PCSK5: variants seen among roughly 807,000 people sequenced by gnomAD.
PCSK5 encodes the protein proprotein convertase subtilisin/kexin type 5, also known as prohormone convertase 5.
Under a neutral mutation model 233.2 loss-of-function variants are expected in PCSK5, and 129 were observed. That is an observed-to-expected ratio of 0.55 (90% CI 0.48 to 0.64). The LOEUF (loss-of-function observed/expected upper bound fraction) is 0.64, where lower values mean the gene tolerates loss of function less well. Among genes scored for constraint, PCSK5 ranks in the 30% least tolerant of loss-of-function variants. The pLI, the probability that PCSK5 is intolerant of heterozygous loss-of-function variation, is 0.00. For missense variants in PCSK5, 2,076 were observed against 2,430.1 expected, an observed-to-expected ratio of 0.85 and a Z score of 3.06; for synonymous variants, 825 against 879.2, an observed-to-expected ratio of 0.94 and a Z score of 1.09.
intron 20 of PCSK5, among the ~76,000 whole-genome samples, chr9:76,216,961 C>T (rs1408892079): frequency 6.6e-6 from 1 of 152,202 alleles, no homozygotes; most frequent in Non-Finnish European, 1.5e-5. Context: ...CTGCCTCAGC[C>T]TCCCAAGTAG....
chr9:76,204,813 AT>A (rs1458651082), intron 20 of PCSK5, among the ~76,000 whole-genome samples: 2 of 152,190 alleles, frequency 1.3e-5, no homozygotes, highest in Admixed American at 1.3e-4. Flanking sequence ...GGCAGGACAA[AT>A]AAGATGTTGG....
intron 24 of PCSK5, among the ~76,000 whole-genome samples, chr9:76,265,381 A>C (rs550867379): frequency 1.3e-5 from 2 of 152,164 alleles, no homozygotes; most frequent in South Asian, 4.2e-4. Context: ...CACATATACC[A>C]CCTGAATTGA....
chr9:76,264,380 T>C (rs1243219075), intron 24 of PCSK5, among the ~76,000 whole-genome samples: 1 of 152,162 alleles, frequency 6.6e-6, no homozygotes, highest in African/African-American at 2.4e-5. Flanking sequence ...GGAAGCAACA[T>C]TCTGGATATG....
chr9:76,332,402 G>A, intron 33 of PCSK5, 31 bp from the exon 34 acceptor site: 1 of 1,582,736 alleles, frequency 6.3e-7, no homozygotes. Context: ...CATGCTCGAT[G>A]TCCAAATAGA....
intron 10 of PCSK5, among the ~76,000 whole-genome samples, chr9:76,141,906 C>T (rs1823242288): frequency 6.6e-6 from 1 of 152,010 alleles, no homozygotes. Flanking sequence ...CATGTTCTCA[C>T]TTGTAAGTGG....
chr9:75,898,914 T>C (rs1374232425), intron 1 of PCSK5, among the ~76,000 whole-genome samples: 2 of 152,218 alleles, frequency 1.3e-5, no homozygotes, highest in Admixed American at 6.5e-5. Context: ...AGACAAATAG[T>C]AATGGACTTC....
At chr9:75,922,232 A>G (rs1216027998) in intron 1 of PCSK5, among the ~76,000 whole-genome samples, 1 of 152,222 alleles carries the variant, frequency 6.6e-6, no homozygotes, top group Non-Finnish European at 1.5e-5. Context: ...AAATTAAAGT[A>G]CAGACTGGAG....
At chr9:76,023,952 A>G (rs942845639) in intron 4 of PCSK5, 71 bp downstream of exon 4, 413 of 1,385,902 alleles carry the variant, frequency 3.0e-4, no homozygotes, top group Non-Finnish European at 3.9e-4. Flanking sequence ...GATTATCAAA[A>G]AGGTGGATAG....
rs548444899 is a variant in PCSK5 at position 76,064,412 on chromosome 9, A to ACC, written c.633-3537_633-3536dup. Among the ~76,000 whole-genome samples the ACC allele has an allele frequency of 8.6e-3, 846 of 98,008 alleles. 7 individuals carry two copies. Among genetic ancestry groups the ACC allele is most frequent in the African/African-American group, 0.03 (684 of 22,760 alleles). The allele number at this position is 98,008 out of a possible 152,430, so 64.3% of individuals were successfully genotyped here. On this transcript the variant is annotated intron_variant, in intron 5 of 37. Transcript: ENST00000674117. Reference sequence around the variant, plus strand: ...GCACGGCTGGCCAGGCGGGGGGCTGACCCCCCCACCTCCCTCCCGGATGGC... The same window carrying ACC: ...GCACGGCTGGCCAGGCGGGGGGCTGACCCCCCCCCACCTCCCTCCCGGATGGC...
chr9:76,125,058 A>G (rs1311870895), intron 9 of PCSK5, among the ~76,000 whole-genome samples: 3 of 150,800 alleles, frequency 2.0e-5, no homozygotes, highest in Non-Finnish European at 4.4e-5. Context: ...CTCCTCTTAC[A>G]TTTCTTTTTC....
At chr9:76,220,642 T>A (rs1216748706) in intron 20 of PCSK5, among the ~76,000 whole-genome samples, 1 of 148,382 alleles carries the variant, frequency 6.7e-6, no homozygotes, top group Non-Finnish European at 1.5e-5. Context: ...AAAAAAAAAA[T>A]TGACACATAA....
chr9:76,215,912 C>T (rs1053617023), intron 20 of PCSK5, among the ~76,000 whole-genome samples: 7 of 151,970 alleles, frequency 4.6e-5, no homozygotes, highest in Non-Finnish European at 1.0e-4. Context: ...GCACTCCAGC[C>T]TGGGTGACAA....
At chr9:76,335,604 G>C (rs897379070) in intron 34 of PCSK5, among the ~76,000 whole-genome samples, 1 of 152,046 alleles carries the variant, frequency 6.6e-6, no homozygotes, top group African/African-American at 2.4e-5. Context: ...AGCAAGCAGT[G>C]GTGTTGTACT....
intron 20 of PCSK5, among the ~76,000 whole-genome samples, chr9:76,214,303 C>T (rs1825441943): frequency 6.6e-6 from 1 of 151,292 alleles, no homozygotes; most frequent in African/African-American, 2.4e-5. Context: ...CTCACACACA[C>T]ACACGTGCAC....
rs754901336 is a variant in PCSK5 at position 75,932,405 on chromosome 9, C to T, written c.219C>T (p.His73=). ...GQIGALKDYY[H]FYHSRTIKRS... is the part of the protein sequence containing the mutation. ...TAGGGGCCCTGAAGGACTACTACCA[C>T]TTCTACCATAGCAGGACGATTAAAA... The change falls in exon 2 of 38, where the codon CAC becomes CAT. Residue 73 remains histidine, a synonymous_variant. Transcript: ENST00000674117. 1.2e-6 allele frequency: 2 copies of T among 1,612,406 alleles called. No homozygotes were observed. The highest frequency in any genetic ancestry group is 4.5e-5 in the East Asian group (2 of 44,866).
intron 30 of PCSK5, among the ~76,000 whole-genome samples, chr9:76,316,740 CAAAAAAAAA>C (rs58485029): frequency 9.3e-5 from 6 of 64,606 alleles, no homozygotes; most frequent in African/African-American, 3.3e-4. Flanking sequence ...CTTGTCTCAC[CAAAAAAAAA>C]AAAAAAAAAA....
chr9:76,088,448 C>G (rs1432142939), intron 7 of PCSK5, among the ~76,000 whole-genome samples: 1 of 152,088 alleles, frequency 6.6e-6, no homozygotes, highest in Admixed American at 6.6e-5. Context: ...CTCTGTTTAC[C>G]TTAGTTATTC....
At chr9:76,148,474 A>G (rs1823542399) in intron 10 of PCSK5, among the ~76,000 whole-genome samples, 1 of 151,774 alleles carries the variant, frequency 6.6e-6, no homozygotes, top group Non-Finnish European at 1.5e-5. Flanking sequence ...AAGATTTTCA[A>G]TTCTACGTCT....
chr9:75,913,450 A>G (rs1164953087), intron 1 of PCSK5, among the ~76,000 whole-genome samples: 2 of 152,164 alleles, frequency 1.3e-5, no homozygotes, highest in Non-Finnish European at 2.9e-5. Flanking sequence ...TGCTTTTTAA[A>G]TGTAATTGAT....
Sources: gnomAD v4.1 joint callset for allele counts (sites outside exome capture counted in the v4.1 genomes callset) on GRCh38, gnomAD v4.1.1 for gene constraint, MANE v1.5 for transcripts, NCBI Gene and HGNC (gene_info 2026-07-23, HGNC 2026-07-21) for gene names.